Variants in RABGAP1L observed in about 807,000 individuals in gnomAD.
RABGAP1L encodes rab GTPase-activating protein 1-like.
RABGAP1L carries 63 observed loss-of-function variants against 137.7 expected under a neutral mutation model. The ratio of observed to expected loss-of-function variants is 0.46; its 90% CI spans 0.37 to 0.56. RABGAP1L has a LOEUF of 0.56. RABGAP1L is among the 20% of genes least tolerant of loss of function. The pLI is 0.00. For missense variants in RABGAP1L, 1,095 were observed against 1,244.0 expected (o/e 0.88, Z 1.80); for synonymous variants, 431 against 433.7 (o/e 0.99, Z 0.08).
At chr1:174,360,640 C>A (rs1408768439) in intron 11 of RABGAP1L, among the ~76,000 whole-genome samples, 1 of 152,070 alleles carries the variant, frequency 6.6e-6, no homozygotes, top group Admixed American at 6.6e-5. Context: ...GTGCATTTGG[C>A]ATTATACTGT....
intron 19 of RABGAP1L, among the ~76,000 whole-genome samples, chr1:174,937,616 T>G (rs1665072455): frequency 1.0e-5 from 1 of 96,928 alleles, no homozygotes; most frequent in Admixed American, 9.3e-5. Context: ...CAATACTTCA[T>G]TAAATATATA....
At chr1:174,706,118 C>T (rs1451958927) in intron 17 of RABGAP1L, among the ~76,000 whole-genome samples, 1 of 152,178 alleles carries the variant, frequency 6.6e-6, no homozygotes, top group Non-Finnish European at 1.5e-5. Flanking sequence ...CGTATCATGA[C>T]ATGCTTTCCT....
At chr1:174,383,758 C>T (rs1686454317) in intron 12 of RABGAP1L, among the ~76,000 whole-genome samples, 1 of 152,208 alleles carries the variant, frequency 6.6e-6, no homozygotes, top group Non-Finnish European at 1.5e-5. Flanking sequence ...TTCTGCGTCG[C>T]TCATGCTGGG....
At chr1:174,193,047 C>T (rs753406085) in intron 1 of RABGAP1L, among the ~76,000 whole-genome samples, 1 of 152,146 alleles carries the variant, frequency 6.6e-6, no homozygotes, top group Admixed American at 6.5e-5. Context: ...GTGATGACTG[C>T]GAACATAAAC....
intron 13 of RABGAP1L, among the ~76,000 whole-genome samples, chr1:174,521,856 G>A (rs1167903713): frequency 1.3e-5 from 2 of 152,076 alleles, no homozygotes; most frequent in Non-Finnish European, 2.9e-5. Context: ...TGAGGCGGGC[G>A]GATCAGGAGG....
intron 14 of RABGAP1L, among the ~76,000 whole-genome samples, chr1:174,667,361 A>G (rs1676865075): frequency 6.6e-6 from 1 of 152,152 alleles, no homozygotes; most frequent in Admixed American, 6.5e-5. Context: ...TAAGTGATAT[A>G]ATGAAGGTAA....
chr1:174,455,935 C>T (rs1028648640), intron 13 of RABGAP1L, among the ~76,000 whole-genome samples: 8 of 152,000 alleles, frequency 5.3e-5, no homozygotes, highest in African/African-American at 1.4e-4. Context: ...ATACTACTGA[C>T]GACGTGTCTT....
intron 17 of RABGAP1L, among the ~76,000 whole-genome samples, chr1:174,720,888 C>T (rs187656647): frequency 6.8e-4 from 103 of 152,264 alleles, no homozygotes; most frequent in Non-Finnish European, 1.2e-3. Context: ...CTGAACTGTA[C>T]ATTTTTGAAG....
intron 18 of RABGAP1L, among the ~76,000 whole-genome samples, chr1:174,792,682 A>G (rs1687950820): frequency 6.6e-6 from 1 of 152,248 alleles, no homozygotes; most frequent in Non-Finnish European, 1.5e-5. Context: ...AACTTTCTGT[A>G]TGTCAGCCAT....
At chr1:174,641,186 C>T (rs1036183828) in intron 14 of RABGAP1L, among the ~76,000 whole-genome samples, 2 of 151,778 alleles carry the variant, frequency 1.3e-5, no homozygotes, top group Admixed American at 1.3e-4. Context: ...ACTCTGTTTT[C>T]AAGGATACAA....
chr1:174,316,797 G>A (rs957407281), intron 11 of RABGAP1L, among the ~76,000 whole-genome samples: 2 of 152,056 alleles, frequency 1.3e-5, no homozygotes, highest in African/African-American at 4.8e-5. Flanking sequence ...CAGGAGTCAG[G>A]GACCTTAGAA....
chr1:174,962,570 T>C (rs1325852349), intron 20 of RABGAP1L, among the ~76,000 whole-genome samples: 2 of 152,224 alleles, frequency 1.3e-5, no homozygotes, highest in Non-Finnish European at 2.9e-5. Context: ...TTATGCATAG[T>C]AAAAATAATA....
At chr1:174,494,984 A>G (rs1329640067) in intron 13 of RABGAP1L, among the ~76,000 whole-genome samples, 1 of 152,130 alleles carries the variant, frequency 6.6e-6, no homozygotes, top group Non-Finnish European at 1.5e-5. Context: ...GTAAGAAAAT[A>G]ATTTACCTTC....
intron 13 of RABGAP1L, among the ~76,000 whole-genome samples, chr1:174,578,802 TATTA>T (rs58062140): frequency 0.079 from 11,948 of 152,160 alleles, 638 homozygotes; most frequent in East Asian, 0.31. Context: ...TATGTTATAT[TATTA>T]CTTTATTAAA....
At chr1:174,194,446 T>A (rs938911838) in intron 1 of RABGAP1L, among the ~76,000 whole-genome samples, 1 of 151,992 alleles carries the variant, frequency 6.6e-6, no homozygotes, top group African/African-American at 2.4e-5. Flanking sequence ...ATGTTGGCCA[T>A]GCTGGTCTCA....
intron 19 of RABGAP1L, among the ~76,000 whole-genome samples, chr1:174,871,678 T>A (rs1430879189): frequency 6.6e-6 from 1 of 152,196 alleles, no homozygotes; most frequent in African/African-American, 2.4e-5. Flanking sequence ...TCTGATCTTA[T>A]GAAAAAACGA....
In RABGAP1L at chr1:174,579,171, G is replaced by C. The variant is rs374753213; in HGVS notation, c.1711-58204G>C. On this transcript the variant is annotated intron_variant, in intron 13 of 25. Transcript: ENST00000681986. Reference sequence around the variant, plus strand: ...GTACAATGTTGTAAACTGGAGATATGTGTTTCAAGCAGAAGGAATAACATG... The same window carrying C: ...GTACAATGTTGTAAACTGGAGATATCTGTTTCAAGCAGAAGGAATAACATG... Among the ~76,000 whole-genome samples, 3 of 152,066 alleles carry C rather than the reference G, an allele frequency of 2.0e-5. No individual in the cohort carries two copies. In the South Asian group the frequency reaches 6.2e-4, roughly 32 times the overall value.
chr1:174,607,899 A>G (rs1304080354), intron 13 of RABGAP1L, among the ~76,000 whole-genome samples: 1 of 152,214 alleles, frequency 6.6e-6, no homozygotes, highest in African/African-American at 2.4e-5. Flanking sequence ...TGAGAACTAC[A>G]GTGTGATGAC....
intron 13 of RABGAP1L, among the ~76,000 whole-genome samples, chr1:174,494,205 G>C (rs1249167084): frequency 6.6e-6 from 1 of 152,172 alleles, no homozygotes; most frequent in Non-Finnish European, 1.5e-5. Flanking sequence ...GGCTCCTGCA[G>C]ATAAAGCCAC....
Sources: gnomAD v4.1 joint callset for allele counts (sites outside exome capture counted in the v4.1 genomes callset) on GRCh38, gnomAD v4.1.1 for gene constraint, MANE v1.5 for transcripts, NCBI Gene and HGNC (gene_info 2026-07-23, HGNC 2026-07-21) for gene names.